IQCM: variants seen among roughly 807,000 people sequenced by gnomAD.
The protein encoded by IQCM is IQ motif containing M, also known as IQ domain-containing protein M.
Under a neutral mutation model 57.6 loss-of-function variants are expected in IQCM, and 45 were observed. The ratio of observed to expected loss-of-function variants is 0.78; its 90% CI spans 0.62 to 1.00. The LOEUF (loss-of-function observed/expected upper bound fraction) is 1.00, where lower values mean the gene tolerates loss of function less well. IQCM is among the 50% of genes least tolerant of loss of function. The probability of loss-of-function intolerance (pLI) is 0.00; values close to 1 mark genes in which losing one functional copy is unlikely to be tolerated. For synonymous variants in IQCM, 148 were observed against 158.9 expected, an observed-to-expected ratio of 0.93 and a Z score of 0.51; for missense variants, 468 against 511.6, an observed-to-expected ratio of 0.91 and a Z score of 0.82.
chr4:149,365,034 C>T (rs1578804373), intron 13 of IQCM, among the ~76,000 whole-genome samples: 1 of 151,880 alleles, frequency 6.6e-6, no homozygotes, highest in East Asian at 1.9e-4. Context: ...AAATATATTT[C>T]CTAATTCTAC....
intron 12 of IQCM, among the ~76,000 whole-genome samples, chr4:149,465,710 A>G (rs1417274896): frequency 6.6e-6 from 1 of 152,040 alleles, no homozygotes; most frequent in East Asian, 1.9e-4. Context: ...GTTGTAAATA[A>G]TCAGGGCTTC....
chr4:149,381,720 A>AGTATGTATGTATGTAT (rs60955059), intron 13 of IQCM, among the ~76,000 whole-genome samples: 1 of 146,494 alleles, frequency 6.8e-6, no homozygotes, highest in Non-Finnish European at 1.5e-5. Context: ...TTTCCCCCAT[A>AGTATGTATGTATGTAT]GTATGTATGT....
In IQCM at chr4:149,433,419, C is replaced by T. The variant is rs1579042301; in HGVS notation, c.1367G>A (p.Gly456Glu). ...ACCTATATATCTATAACCTTCTTCC[C>T]CATTTACTATGGGTCTCAACCAAGT... ...KSTWLRPIVN[G>E]EEGYRYIVNG... Residue 456 changes from glycine (G) to glutamate (E), a missense_variant, in exon 13 of 14, where the codon GGG becomes GAG. Gly to Glu is a moderately conservative substitution (Grantham distance 98). Coordinates refer to ENST00000636793, the MANE Select transcript of IQCM (RefSeq NM_001363507.2). 2 of 1,225,368 alleles carry T rather than the reference C, an allele frequency of 1.6e-6. No individual in the cohort carries two copies. The highest frequency in any genetic ancestry group is 6.3e-5 in the East Asian group (2 of 31,554). 75.9% of individuals were successfully genotyped at this position (1,225,368 alleles called of 1,614,324 possible).
intron 7 of IQCM, among the ~76,000 whole-genome samples, chr4:149,676,202 G>A (rs1761735464): frequency 6.6e-6 from 1 of 151,936 alleles, no homozygotes; most frequent in South Asian, 2.1e-4. Context: ...GGATAACAGT[G>A]ACAATAGCAA....
intron 12 of IQCM, among the ~76,000 whole-genome samples, chr4:149,520,073 C>T (rs1263332913): frequency 6.6e-6 from 1 of 152,106 alleles, no homozygotes; most frequent in South Asian, 2.1e-4. Context: ...GTAGTACAAT[C>T]GGTTAAGAAT....
intron 12 of IQCM, among the ~76,000 whole-genome samples, chr4:149,443,984 TAAGTTCCTAATTTGTA>T (rs1300838788): frequency 2.0e-5 from 3 of 151,950 alleles, no homozygotes; most frequent in Non-Finnish European, 2.9e-5. Flanking sequence ...GGAACTACTT[TAAGTTCCTAATTTGTA>T]AAAGTATTCA....
chr4:149,553,304 G>A lies in IQCM; in HGVS notation c.949-17C>T. Reference sequence around the variant, plus strand: ...ATCCAAAGCCTACAAAGACAGAAAAGCTCCTTATATATTTCTGGTATTTAT... The same window carrying A: ...ATCCAAAGCCTACAAAGACAGAAAAACTCCTTATATATTTCTGGTATTTAT... On this transcript the variant is annotated splice_polypyrimidine_tract_variant and intron_variant, in intron 10 of 13. Coordinates refer to ENST00000636793, the MANE Select transcript of IQCM (RefSeq NM_001363507.2). 4.1e-6 allele frequency: 5 copies of A among 1,230,482 alleles called. No homozygotes were observed. The highest frequency in any genetic ancestry group is 5.1e-6 in the Non-Finnish European group (5 of 986,546). The allele number at this position is 1,230,482 out of a possible 1,614,324, so 76.2% of individuals were successfully genotyped here. A position where few individuals can be genotyped will look rare whatever the true frequency, so the allele number is the denominator to read the frequency against.
chr4:149,531,391 C>A (rs988385968), intron 12 of IQCM, among the ~76,000 whole-genome samples: 4 of 151,994 alleles, frequency 2.6e-5, no homozygotes, highest in African/African-American at 9.7e-5. Context: ...ATGTTTCAAC[C>A]TAAAAAAGTT....
At chr4:149,557,886 T>C (rs1007536658) in intron 10 of IQCM, among the ~76,000 whole-genome samples, 4 of 152,316 alleles carry the variant, frequency 2.6e-5, no homozygotes, top group Non-Finnish European at 4.4e-5. Context: ...TAAGCATACA[T>C]AAATATTTTT....
chr4:149,795,290 G>T (rs1377319818), intron 2 of IQCM, among the ~76,000 whole-genome samples: 1 of 152,138 alleles, frequency 6.6e-6, no homozygotes, highest in Admixed American at 6.6e-5. Context: ...CTGGGGGAAG[G>T]AGAGGACTGC....
chr4:149,631,266 A>G (rs1407613899), intron 7 of IQCM, among the ~76,000 whole-genome samples: 1 of 152,188 alleles, frequency 6.6e-6, no homozygotes, highest in East Asian at 1.9e-4. Flanking sequence ...GTGGATTTCA[A>G]TCCCTGTACC....
intron 13 of IQCM, among the ~76,000 whole-genome samples, chr4:149,387,950 G>C (rs1218550093): frequency 6.6e-6 from 1 of 151,764 alleles, no homozygotes; most frequent in Non-Finnish European, 1.5e-5. Context: ...ATTCCATTTT[G>C]TGATTCTCTT....
rs568512210 is a variant in IQCM, at chr4:149,696,380, C to T, written c.386-9912G>A. ...ATTGTCAATCTCTTTTGCTGACTCT[C>T]CCTCTTCTATCAGACCTCCAATGAA... On this transcript the variant is annotated intron_variant, in intron 5 of 13. Transcript: ENST00000636793. Among the ~76,000 whole-genome samples, 8 of 152,248 alleles carry T rather than the reference C, an allele frequency of 5.3e-5. No homozygotes were observed. The South Asian group carries it at 1.7e-3, about 32-fold the overall frequency.
chr4:149,516,200 G>C (rs1227607149), intron 12 of IQCM, among the ~76,000 whole-genome samples: 1 of 152,204 alleles, frequency 6.6e-6, no homozygotes, highest in African/African-American at 2.4e-5. Context: ...CCAGCTACCT[G>C]GTGGTAGGTT....
intron 9 of IQCM, among the ~76,000 whole-genome samples, chr4:149,584,460 A>G (rs1752480154): frequency 6.6e-6 from 1 of 151,762 alleles, no homozygotes; most frequent in Non-Finnish European, 1.5e-5. Context: ...GAATTATAAA[A>G]TGATAGCAAA....
chr4:149,354,321 G>A (rs562361277), intron 13 of IQCM, among the ~76,000 whole-genome samples: 43 of 113,670 alleles, frequency 3.8e-4, no homozygotes, highest in African/African-American at 3.5e-5. Flanking sequence ...CCGAGATCCC[G>A]CCACTGCACT....
At chr4:149,658,852 T>G (rs554033435) in intron 7 of IQCM, among the ~76,000 whole-genome samples, 3 of 152,232 alleles carry the variant, frequency 2.0e-5, no homozygotes, top group Non-Finnish European at 4.4e-5. Context: ...CTGAATTCAT[T>G]TATTAGTTCT....
chr4:149,423,349 A>G (rs965625346), intron 13 of IQCM, among the ~76,000 whole-genome samples: 1 of 152,016 alleles, frequency 6.6e-6, no homozygotes, highest in African/African-American at 2.4e-5. Context: ...GCATGGGGGA[A>G]ACCTCCGTGA....
intron 12 of IQCM, among the ~76,000 whole-genome samples, chr4:149,495,443 T>C (rs1742557591): frequency 6.6e-6 from 1 of 152,124 alleles, no homozygotes; most frequent in African/African-American, 2.4e-5. Flanking sequence ...CAGATAAATG[T>C]TTGAGCCAGG....
Sources: gnomAD v4.1 joint callset for allele counts (sites outside exome capture counted in the v4.1 genomes callset) on GRCh38, gnomAD v4.1.1 for gene constraint, MANE v1.5 for transcripts, NCBI Gene and HGNC (gene_info 2026-07-23, HGNC 2026-07-21) for gene names.